The following TXNRD2 variants were observed in gnomAD, a reference collection of about 807,000 sequenced individuals.
TXNRD2 encodes thioredoxin reductase 2, also known as thioredoxin reductase 2, mitochondrial.
A neutral mutation model predicts 70.8 loss-of-function variants in TXNRD2; 67 were observed. That is an observed-to-expected ratio of 0.95 (90% CI 0.78 to 1.16). The LOEUF (loss-of-function observed/expected upper bound fraction) is 1.16, where lower values mean the gene tolerates loss of function less well. Ranked by LOEUF, TXNRD2 falls within the 50% of genes most tolerant of loss-of-function variation. The pLI, the probability that TXNRD2 is intolerant of heterozygous loss-of-function variation, is 0.00. For synonymous variants in TXNRD2, 301 were observed against 295.8 expected, an observed-to-expected ratio of 1.02 and a Z score of -0.18; for missense variants, 644 against 719.9, an observed-to-expected ratio of 0.89 and a Z score of 1.21.
chr22:19,937,062 G>A (rs1258176463), intron 1 of TXNRD2, among the ~76,000 whole-genome samples: 12 of 152,116 alleles, frequency 7.9e-5, no homozygotes, highest in South Asian at 4.1e-4. Flanking sequence ...TCTTTGTACC[G>A]AGGTCATTTT....
intron 11 of TXNRD2, chr22:19,891,667 T>G (rs975687053): frequency 1.3e-5 from 2 of 152,258 alleles, no homozygotes; most frequent in Non-Finnish European, 2.9e-5. Context: ...CCCGCAGCAG[T>G]GCTGGCTGAC....
At chr22:19,915,464 G>C (rs1003527254) in intron 6 of TXNRD2, among the ~76,000 whole-genome samples, 188 bp from the exon 7 acceptor site, 3 of 152,158 alleles carry the variant, frequency 2.0e-5, no homozygotes, top group Non-Finnish European at 4.4e-5. Context: ...GCAGGAGGGG[G>C]ACAGGCAGAA....
At chr22:19,934,460 C>T (rs978211110) in intron 1 of TXNRD2, among the ~76,000 whole-genome samples, 1 of 151,450 alleles carries the variant, frequency 6.6e-6, no homozygotes, top group Admixed American at 6.6e-5. Flanking sequence ...TCAGGAACCC[C>T]GAATGGAGGG....
Position 19,918,882 on chromosome 22 carries a change from C to G in TXNRD2, c.352G>C (p.Ala118Pro), listed in dbSNP as rs746982960. Residue 118 changes from alanine (A) to proline (P), a missense_variant, in exon 4 of 18, where the codon GCC becomes CCC. Ala to Pro is a conservative substitution (Grantham distance 27, BLOSUM62 -1). Coordinates refer to ENST00000400521, the MANE Select transcript of TXNRD2 (RefSeq NM_006440.5). ...TACCAGTCATGCGGCACGGGCTGGGCCACCTCCCAGCCATAGTTGGGGGCA... is the reference window on the plus strand; with the variant it reads ...TACCAGTCATGCGGCACGGGCTGGGGCACCTCCCAGCCATAGTTGGGGGCA... ...QDAPNYGWEV[A>P]QPVPHDWRKM... 5.0e-6 allele frequency: 8 copies of G among 1,610,708 alleles called. No homozygotes were observed. Among genetic ancestry groups the G allele is most frequent in the Non-Finnish European group, 6.8e-6 (8 of 1,179,862 alleles).
At position 19,924,215 on chromosome 22, in the gene TXNRD2, C is replaced by G. The variant is rs1007448361; in HGVS notation, c.173-4616G>C. ...TCCCCAGACCCTCCGAAGGGGAGGA[C>G]AGTGCCTTATCTCTCTCTTTCTTCC... On this transcript the variant is annotated intron_variant, in intron 2 of 17. Coordinates refer to ENST00000400521, the MANE Select transcript of TXNRD2 (RefSeq NM_006440.5). Among the ~76,000 whole-genome samples, 4 of 152,048 alleles carry G rather than the reference C, an allele frequency of 2.6e-5. No homozygotes were observed. In the East Asian group the frequency reaches 5.8e-4, roughly 22 times the overall value.
chr22:19,924,388 C>G (rs567432550), intron 2 of TXNRD2, among the ~76,000 whole-genome samples: 71 of 152,292 alleles, frequency 4.7e-4, no homozygotes, highest in African/African-American at 1.7e-3. Context: ...AAGGCCCAGC[C>G]TCATCAGCTG....
intron 17 of TXNRD2, 126 bp downstream of exon 17, chr22:19,876,914 G>T: frequency 1.6e-6 from 1 of 624,418 alleles, no homozygotes; most frequent in Non-Finnish European, 2.5e-6. Flanking sequence ...TTACAGGATG[G>T]AGCACCCATT....
chr22:19,921,307 C>T (rs957477196), intron 2 of TXNRD2, among the ~76,000 whole-genome samples: 1 of 150,532 alleles, frequency 6.6e-6, no homozygotes, highest in African/African-American at 2.5e-5. Flanking sequence ...CCCAGCTGCT[C>T]GGGAGGCTAA....
chr22:19,935,984 G>A (rs1283071188), intron 1 of TXNRD2, among the ~76,000 whole-genome samples: 2 of 152,074 alleles, frequency 1.3e-5, no homozygotes, highest in Admixed American at 6.6e-5. Context: ...TTAAATTCCT[G>A]TTAAAATGGG....
At chr22:19,904,601 G>C (rs1939924014) in intron 8 of TXNRD2, among the ~76,000 whole-genome samples, 1 of 152,238 alleles carries the variant, frequency 6.6e-6, no homozygotes. Context: ...CCCGGCAGTG[G>C]GCCCCACACA....
At chr22:19,919,050 C>A in intron 3 of TXNRD2, 46 bp from the exon 4 acceptor site, 1 of 1,586,026 alleles carries the variant, frequency 6.3e-7, no homozygotes, top group Non-Finnish European at 8.5e-7. Context: ...CAGGTGACTG[C>A]TGGAGGCTTC....
intron 7 of TXNRD2, among the ~76,000 whole-genome samples, chr22:19,912,203 C>T (rs1299932293): frequency 6.6e-6 from 1 of 152,182 alleles, no homozygotes; most frequent in Non-Finnish European, 1.5e-5. Flanking sequence ...ACAAGATGTG[C>T]TGGTGGAGGA....
At chr22:19,903,534 G>T (rs910847291) in intron 8 of TXNRD2, among the ~76,000 whole-genome samples, 3 of 152,256 alleles carry the variant, frequency 2.0e-5, no homozygotes, top group African/African-American at 7.2e-5. Flanking sequence ...ACACTGGCGG[G>T]GCCCAAGTCC....
At chr22:19,888,733 G>A (rs967920008) in intron 11 of TXNRD2, among the ~76,000 whole-genome samples, 5 of 152,198 alleles carry the variant, frequency 3.3e-5, no homozygotes, top group African/African-American at 9.6e-5. Context: ...ACTGTCTCAT[G>A]AGGCATGTGG....
chr22:19,897,806 CTG>C (rs977727653), intron 10 of TXNRD2, among the ~76,000 whole-genome samples: 1 of 152,238 alleles, frequency 6.6e-6, no homozygotes, highest in Non-Finnish European at 1.5e-5. Flanking sequence ...TTCACTGTGC[CTG>C]TGGTCGGCTG....
chr22:19,904,390 G>A (rs138806640), intron 8 of TXNRD2, among the ~76,000 whole-genome samples: 80 of 152,312 alleles, frequency 5.3e-4, no homozygotes, highest in African/African-American at 1.6e-3. Context: ...GCTTGGACAC[G>A]ATCCCCCTGC....
intron 11 of TXNRD2, chr22:19,891,575 C>CAG (rs1939264018): frequency 6.6e-6 from 1 of 152,412 alleles, no homozygotes; most frequent in Non-Finnish European, 1.5e-5. Context: ...GGCGTTTGCT[C>CAG]AGGATGCCCC....
chr22:19,907,530 G>GGT (rs1297015218), intron 8 of TXNRD2, among the ~76,000 whole-genome samples: 8 of 35,934 alleles, frequency 2.2e-4, no homozygotes, highest in Admixed American at 4.0e-4. Flanking sequence ...GGAGAGTGTG[G>GGT]GCGCCGTGGG....
At chr22:19,906,077 C>T (rs1939998373) in intron 8 of TXNRD2, among the ~76,000 whole-genome samples, 1 of 151,814 alleles carries the variant, frequency 6.6e-6, no homozygotes. Flanking sequence ...AAATCTGCAC[C>T]ACAAGCGACA....
Sources: allele counts gnomAD v4.1 joint callset (sites outside exome capture counted in the v4.1 genomes callset), GRCh38; gene constraint gnomAD v4.1.1; transcripts MANE v1.5; gene names NCBI Gene and HGNC (gene_info 2026-07-23, HGNC 2026-07-21).